Variants in CPNE8 observed in about 807,000 individuals in gnomAD.
CPNE8 encodes copine-8.
In CPNE8, 45 loss-of-function variants were observed where a neutral mutation model predicts 81.5. That is an observed-to-expected ratio of 0.55 (90% confidence interval 0.44 to 0.71). The LOEUF is 0.71. Among genes scored for constraint, CPNE8 ranks in the 30% least tolerant of loss-of-function variants. The pLI is 0.00. For synonymous variants in CPNE8, 252 were observed against 226.3 expected (o/e 1.11, Z -1.02); for missense variants, 594 against 672.1 (o/e 0.88, Z 1.28).
At chr12:38,706,129 G>A (rs561262020) in intron 13 of CPNE8, among the ~76,000 whole-genome samples, 4 of 152,104 alleles carry the variant, frequency 2.6e-5, no homozygotes, top group South Asian at 2.1e-4. Flanking sequence ...CAACTAATCT[G>A]TTTCTCCAGT....
chr12:38,901,761 A>T (rs1944464993), intron 1 of CPNE8, among the ~76,000 whole-genome samples: 1 of 151,980 alleles, frequency 6.6e-6, no homozygotes, highest in Non-Finnish European at 1.5e-5. Flanking sequence ...CTCTAATCCA[A>T]ACCATGCCTA....
At chr12:38,684,398 G>T (rs10783319) in intron 16 of CPNE8, among the ~76,000 whole-genome samples, 95,102 of 151,836 alleles carry the variant, frequency 0.63, 36,642 homozygotes, top group Non-Finnish European at 0.88. Context: ...TTTTTGGGGG[G>T]TTGTGTATGT....
intron 16 of CPNE8, among the ~76,000 whole-genome samples, chr12:38,684,871 A>G (rs1005320341): frequency 6.6e-6 from 1 of 152,170 alleles, no homozygotes; most frequent in Non-Finnish European, 1.5e-5. Flanking sequence ...TAATTCATTT[A>G]TGTACTAACG....
chr12:38,801,773 C>A (rs1488775116), intron 6 of CPNE8, among the ~76,000 whole-genome samples: 2 of 100,512 alleles, frequency 2.0e-5, no homozygotes, highest in South Asian at 1.0e-3. Context: ...ATCTCACGTG[C>A]AGAGACACAC....
intron 15 of CPNE8, among the ~76,000 whole-genome samples, chr12:38,686,104 G>A (rs1939529229): frequency 6.6e-6 from 1 of 152,040 alleles, no homozygotes; most frequent in Non-Finnish European, 1.5e-5. Context: ...ATTAAAATTA[G>A]AAGAAATAAA....
At chr12:38,886,776 G>T (rs978631116) in intron 1 of CPNE8, among the ~76,000 whole-genome samples, 2 of 152,132 alleles carry the variant, frequency 1.3e-5, no homozygotes, top group South Asian at 4.1e-4. Flanking sequence ...CCCAGCCAGG[G>T]TCTGGTGGAA....
chr12:38,874,433 T>A, intron 2 of CPNE8, 38 bp downstream of exon 2: 1 of 1,519,500 alleles, frequency 6.6e-7, no homozygotes, highest in Admixed American at 1.7e-5. Flanking sequence ...TTTTGCAAAA[T>A]CAAATGATTT....
chr12:38,673,630 T>G (rs1939227284), intron 18 of CPNE8, among the ~76,000 whole-genome samples: 1 of 152,160 alleles, frequency 6.6e-6, no homozygotes, highest in Non-Finnish European at 1.5e-5. Flanking sequence ...ACTTCCATCA[T>G]GGTGAAAACA....
chr12:38,855,908 A>G (rs1565650148), intron 3 of CPNE8, among the ~76,000 whole-genome samples: 2 of 152,066 alleles, frequency 1.3e-5, no homozygotes, highest in Non-Finnish European at 2.9e-5. Context: ...ACTGAAAGAA[A>G]GAGACAGAAA....
At chr12:38,885,390 A>G (rs781224061) in intron 1 of CPNE8, among the ~76,000 whole-genome samples, 6 of 152,224 alleles carry the variant, frequency 3.9e-5, no homozygotes, top group African/African-American at 7.2e-5. Context: ...TTCATCCTGA[A>G]TAATGAGCAA....
intron 6 of CPNE8, among the ~76,000 whole-genome samples, chr12:38,795,665 A>G (rs1231926969): frequency 6.6e-6 from 1 of 152,198 alleles, no homozygotes; most frequent in Non-Finnish European, 1.5e-5. Flanking sequence ...ATCTAAAGTA[A>G]TCAAATTTAT....
At chr12:38,677,620 A>G (rs1419531549) in intron 16 of CPNE8, 66 bp from the exon 17 acceptor site, 6 of 861,500 alleles carry the variant, frequency 7.0e-6, no homozygotes, top group Non-Finnish European at 9.7e-6. Context: ...GGTAAATACA[A>G]TTTGGAATAG....
intron 10 of CPNE8, among the ~76,000 whole-genome samples, chr12:38,732,639 C>G (rs1046908614): frequency 6.6e-6 from 1 of 151,928 alleles, no homozygotes; most frequent in African/African-American, 2.4e-5. Context: ...AGAGAGCTTA[C>G]AGCTAAAGTC....
intron 6 of CPNE8, among the ~76,000 whole-genome samples, chr12:38,823,521 G>C (rs1483675356): frequency 6.6e-6 from 1 of 152,068 alleles, no homozygotes; most frequent in East Asian, 1.9e-4. Context: ...CCTCCTAAAC[G>C]TCCTTTAGTC....
Position 38,762,192 on chromosome 12 carries a change from T to C in CPNE8, c.600A>G (p.Glu200=). The stretch of plus-strand genomic sequence containing the variant: ...CTGGATTTAGAGTGTTTTTGACAAC[T>C]TCTGTCTTGTGACAAATTGTAAAAC... ...DGSFTICHKT[E]VVKNTLNPVW... is the part of the protein sequence containing the mutation. Residue 200 remains glutamate, a synonymous_variant, in exon 9 of 20, where the codon GAA becomes GAG. Transcript: ENST00000331366. 2 of 1,600,268 alleles carry C rather than the reference T, an allele frequency of 1.2e-6. No homozygotes were observed. Among genetic ancestry groups the C allele is most frequent in the South Asian group, 2.3e-5 (2 of 88,874 alleles).
At chr12:38,724,742 A>C in intron 12 of CPNE8, 104 bp downstream of exon 12, 5 of 747,890 alleles carry the variant, frequency 6.7e-6, no homozygotes, top group South Asian at 1.9e-5. Flanking sequence ...AGTGAAACAC[A>C]GCTCAGTTTT....
rs1373452111 is a variant in CPNE8 at position 38,902,407 on chromosome 12, GAAAGAAAGAAAA to G, written c.98+3018_98+3029del. Among the ~76,000 whole-genome samples the G allele has an allele frequency of 2.0e-3, 280 of 139,514 alleles. 38 individuals carry two copies. The highest frequency in any genetic ancestry group is 8.2e-3 in the African/African-American group (268 of 32,858). 91.5% of individuals were successfully genotyped at this position (139,514 alleles called of 152,430 possible). A position where few individuals can be genotyped will look rare whatever the true frequency, so the allele number is the denominator to read the frequency against. On this transcript the variant is annotated intron_variant, in intron 1 of 19. Coordinates refer to ENST00000331366, the MANE Select transcript of CPNE8 (RefSeq NM_153634.3). ...AAAGAAAGAAAGAGAAAGAAAGAAA[GAAAGAAAGAAAA>G]AGAAAGAAAGAAAGAAAGGAGAGAG...
rs749406707 is a variant in CPNE8 at position 38,760,451 on chromosome 12, A to ATATATATGTGTG, written c.722+395_722+396insCACACATATATA. 5.0e-5 allele frequency among the ~76,000 whole-genome samples: 6 copies of ATATATATGTGTG among 120,182 alleles called. No individual in the cohort carries two copies. In the East Asian group the frequency reaches 8.8e-4, roughly 18 times the overall value. 78.8% of individuals were successfully genotyped at this position (120,182 alleles called of 152,430 possible). A position where few individuals can be genotyped will look rare whatever the true frequency, so the allele number is the denominator to read the frequency against. On this transcript the variant is annotated intron_variant, in intron 10 of 19. Coordinates refer to ENST00000331366, the MANE Select transcript of CPNE8 (RefSeq NM_153634.3). ...GTATGGTGTGTATATATATATATAT[A>ATATATATGTGTG]TGTGTGTGTATATAGGCAGAGTTGG...
intron 3 of CPNE8, among the ~76,000 whole-genome samples, chr12:38,850,474 G>T (rs1943628429): frequency 6.6e-6 from 1 of 152,150 alleles, no homozygotes; most frequent in Admixed American, 6.5e-5. Context: ...AGGAGTGACT[G>T]AGTATACTCT....
Sources: gnomAD v4.1 joint callset for allele counts (sites outside exome capture counted in the v4.1 genomes callset) on GRCh38, gnomAD v4.1.1 for gene constraint, MANE v1.5 for transcripts, NCBI Gene and HGNC (gene_info 2026-07-23, HGNC 2026-07-21) for gene names.